EPC2: variants seen among roughly 807,000 people sequenced by gnomAD.
EPC2 encodes enhancer of polycomb 2, also known as enhancer of polycomb homolog 2.
A neutral mutation model predicts 92.1 loss-of-function variants in EPC2; 14 were observed. The ratio of observed to expected loss-of-function variants is 0.15; its 90% CI spans 0.10 to 0.24. The LOEUF is 0.24. Among genes scored for constraint, EPC2 ranks in the 10% least tolerant of loss-of-function variants. The probability of loss-of-function intolerance (pLI) is 1.00; values close to 1 mark genes in which losing one functional copy is unlikely to be tolerated. For synonymous variants in EPC2, 340 were observed against 334.7 expected, an observed-to-expected ratio of 1.02 and a Z score of -0.17; for missense variants, 755 against 971.5, an observed-to-expected ratio of 0.78 and a Z score of 2.96.
At chr2:148,747,716 A>G (rs528238209) in intron 3 of EPC2, among the ~76,000 whole-genome samples, 4 of 152,146 alleles carry the variant, frequency 2.6e-5, no homozygotes, top group African/African-American at 7.2e-5. Flanking sequence ...AATGATGTTG[A>G]CCAGGACATT....
chr2:148,697,874 C>T (rs996430203), intron 2 of EPC2, among the ~76,000 whole-genome samples: 1 of 152,158 alleles, frequency 6.6e-6, no homozygotes, highest in African/African-American at 2.4e-5. Flanking sequence ...AATAATTCCA[C>T]AATTTGAATA....
At chr2:148,777,213 A>C (rs1360729909) in intron 10 of EPC2, among the ~76,000 whole-genome samples, 1 of 152,120 alleles carries the variant, frequency 6.6e-6, no homozygotes, top group African/African-American at 2.4e-5. Flanking sequence ...CTCTTGTAAC[A>C]AAGACTGACC....
intron 1 of EPC2, among the ~76,000 whole-genome samples, chr2:148,687,492 A>G (rs979239065): frequency 6.6e-6 from 1 of 152,036 alleles, no homozygotes; most frequent in Non-Finnish European, 1.5e-5. Flanking sequence ...CTCATGCCAC[A>G]TTTTCTGCTG....
chr2:148,698,693 G>GTTT (rs1491457469), intron 2 of EPC2, among the ~76,000 whole-genome samples: 2 of 55,846 alleles, frequency 3.6e-5, no homozygotes, highest in Admixed American at 3.4e-4. Context: ...AAGAAAGTAA[G>GTTT]CTTTTTTTTT....
chr2:148,761,702 T>C, intron 4 of EPC2, 80 bp from the exon 5 acceptor site: 1 of 968,576 alleles, frequency 1.0e-6, no homozygotes, highest in Non-Finnish European at 1.4e-6. Flanking sequence ...TAAATTCAGG[T>C]CTGATAAGAG....
rs141051843 is a variant in EPC2, at chr2:148,715,539, T to A, written c.313+25166T>A. Among the ~76,000 whole-genome samples, 329 of 152,282 alleles carry A rather than the reference T, an allele frequency of 2.2e-3. 1 individual carries two copies. Among genetic ancestry groups the A allele is most frequent in the Non-Finnish European group, 2.7e-3 (182 of 68,030 alleles). On this transcript the variant is annotated intron_variant, in intron 2 of 13. Transcript: ENST00000258484. ...GTTGGAGGTCAGGTGGTTGTATGTATGTGATCTTATTTCTGGGTTCTCTAT... is the reference window on the plus strand; with the variant it reads ...GTTGGAGGTCAGGTGGTTGTATGTAAGTGATCTTATTTCTGGGTTCTCTAT...
intron 10 of EPC2, among the ~76,000 whole-genome samples, chr2:148,772,656 C>T (rs951717929): frequency 6.6e-6 from 1 of 152,028 alleles, no homozygotes; most frequent in Non-Finnish European, 1.5e-5. Context: ...TAATTTTCTC[C>T]TAAACAAACT....
At chr2:148,714,401 G>T (rs1273916324) in intron 2 of EPC2, among the ~76,000 whole-genome samples, 1 of 152,106 alleles carries the variant, frequency 6.6e-6, no homozygotes, top group East Asian at 1.9e-4. Flanking sequence ...ATAATAGAAT[G>T]ATTTATATTC....
chr2:148,732,570 G>A (rs879534437), intron 2 of EPC2, among the ~76,000 whole-genome samples: 3 of 151,718 alleles, frequency 2.0e-5, no homozygotes, highest in East Asian at 1.9e-4. Context: ...TTGTAAAGAT[G>A]GGATTTCACC....
At chr2:148,786,064 A>G (rs980320205) in intron 13 of EPC2, among the ~76,000 whole-genome samples, 1 of 152,196 alleles carries the variant, frequency 6.6e-6, no homozygotes, top group African/African-American at 2.4e-5. Flanking sequence ...CTGAAATGCC[A>G]TGTTAAATTA....
intron 1 of EPC2, among the ~76,000 whole-genome samples, chr2:148,656,753 A>G (rs1302545754): frequency 6.6e-6 from 1 of 152,226 alleles, no homozygotes; most frequent in Non-Finnish European, 1.5e-5. Flanking sequence ...AAGGAGTAAG[A>G]TGTACCCATT....
rs1683754709 is a variant in EPC2 at position 148,781,788 on chromosome 2, G to A, written c.1857+8G>A. 6.2e-7 allele frequency: 1 copy of A among 1,612,818 alleles called. No individual in the cohort carries two copies. The highest frequency in any genetic ancestry group is 1.7e-5 in the Admixed American group (1 of 59,814). On this transcript the variant is annotated splice_region_variant and intron_variant, in intron 11 of 13. Coordinates refer to ENST00000258484, the MANE Select transcript of EPC2 (RefSeq NM_015630.4). ...ACACATCCAAAAGCACAGGTAAACT[G>A]CTCTTTTCGTCATAGTTACGTTTGT... is the stretch of plus-strand genomic sequence containing the variant.
At chr2:148,662,142 A>G (rs895530229) in intron 1 of EPC2, among the ~76,000 whole-genome samples, 4 of 152,182 alleles carry the variant, frequency 2.6e-5, no homozygotes, top group Admixed American at 6.5e-5. Context: ...AGTTAGAATG[A>G]CGATCATTAA....
chr2:148,683,501 C>T (rs759441393), intron 1 of EPC2, among the ~76,000 whole-genome samples: 2 of 152,116 alleles, frequency 1.3e-5, no homozygotes, highest in East Asian at 1.9e-4. Context: ...CTCCTGATCT[C>T]GTGATCCACC....
chr2:148,719,868 CCA>C (rs1389229768), intron 2 of EPC2, among the ~76,000 whole-genome samples: 1 of 152,264 alleles, frequency 6.6e-6, no homozygotes, highest in Non-Finnish European at 1.5e-5. Flanking sequence ...GCAACCTGCC[CCA>C]CTCTTCAGGC....
At chr2:148,697,248 A>G (rs1258588962) in intron 2 of EPC2, among the ~76,000 whole-genome samples, 5 of 151,900 alleles carry the variant, frequency 3.3e-5, no homozygotes, top group African/African-American at 4.8e-5. Context: ...AAATATTTCT[A>G]CACTTTAAAC....
intron 4 of EPC2, among the ~76,000 whole-genome samples, chr2:148,758,094 G>A (rs1683228510): frequency 8.4e-6 from 1 of 119,624 alleles, no homozygotes; most frequent in South Asian, 2.7e-4. Flanking sequence ...GAAAGTTTGA[G>A]CATCAAAATA....
intron 2 of EPC2, among the ~76,000 whole-genome samples, chr2:148,723,111 T>A (rs551426438): frequency 6.6e-6 from 1 of 152,246 alleles, no homozygotes; most frequent in Admixed American, 6.5e-5. Context: ...AGTCTGTATA[T>A]CAAACCCCCA....
chr2:148,757,407 G>A (rs984371194), intron 4 of EPC2, among the ~76,000 whole-genome samples: 6 of 152,024 alleles, frequency 3.9e-5, no homozygotes, highest in Non-Finnish European at 8.8e-5. Context: ...GATATAGTTA[G>A]AAATAGATAT....
Sources: allele counts gnomAD v4.1 joint callset (sites outside exome capture counted in the v4.1 genomes callset), GRCh38; gene constraint gnomAD v4.1.1; transcripts MANE v1.5; gene names NCBI Gene and HGNC (gene_info 2026-07-23, HGNC 2026-07-21).